SAV1: variants seen among roughly 807,000 people sequenced by gnomAD.
SAV1 encodes protein salvador homolog 1.
A neutral mutation model predicts 47.3 loss-of-function variants in SAV1; 23 were observed. That is an observed-to-expected ratio of 0.49 (90% CI 0.35 to 0.69). The LOEUF is 0.69. Ranked by LOEUF, SAV1 falls within the 30% of genes least tolerant of loss-of-function variation. The pLI is 0.01. For missense variants in SAV1, 448 were observed against 457.4 expected, an observed-to-expected ratio of 0.98 and a Z score of 0.19; for synonymous variants, 155 against 159.2, an observed-to-expected ratio of 0.97 and a Z score of 0.20.
At position 50,655,359 on chromosome 14, in the gene SAV1, A is replaced by G. The variant is rs376630506; in HGVS notation, c.535+9820T>C. 2.9e-4 allele frequency among the ~76,000 whole-genome samples: 44 copies of G among 152,308 alleles called. No homozygotes were observed. In the East Asian group the frequency reaches 2.9e-3, roughly 10 times the overall value. On this transcript the variant is annotated intron_variant, in intron 2 of 4. Transcript: ENST00000324679. ...TAAAAGCCATAATATTTTGGCTAAC[A>G]GAGCTTCCCTCAGGAAATATATAAT...
chr14:50,651,737 C>T (rs1281520287), intron 2 of SAV1, among the ~76,000 whole-genome samples: 1 of 152,190 alleles, frequency 6.6e-6, no homozygotes, highest in Non-Finnish European at 1.5e-5. Flanking sequence ...AGCAATCCTC[C>T]CACCTCAGCC....
chr14:50,644,284 T>C (rs1250041915), intron 3 of SAV1, among the ~76,000 whole-genome samples: 1 of 152,210 alleles, frequency 6.6e-6, no homozygotes. Context: ...TTTTGTTCAG[T>C]CCCAATTTTC....
chr14:50,667,497 G>T (rs1362111949), intron 1 of SAV1: 18 of 461,228 alleles, frequency 3.9e-5, no homozygotes, highest in Middle Eastern at 6.4e-4. Context: ...ACATCTCGAC[G>T]CATCTAAAAG....
intron 1 of SAV1, among the ~76,000 whole-genome samples, chr14:50,667,228 G>C (rs977877783): frequency 4.6e-5 from 7 of 152,030 alleles, no homozygotes; most frequent in Admixed American, 1.3e-4. Context: ...CTTTTCGAGG[G>C]GGGGGTTCTC....
At chr14:50,639,603 C>T (rs1294850975) in intron 4 of SAV1, among the ~76,000 whole-genome samples, 1 of 152,144 alleles carries the variant, frequency 6.6e-6, no homozygotes, top group Non-Finnish European at 1.5e-5. Flanking sequence ...ATAGTTAGCT[C>T]ACAGAACCAC....
At chr14:50,650,341 T>C (rs6572681) in intron 2 of SAV1, among the ~76,000 whole-genome samples, 40,687 of 152,092 alleles carry the variant, frequency 0.27, 6,310 homozygotes, top group South Asian at 0.36. Flanking sequence ...GCTGTAAACA[T>C]GAATGAAGAT....
At chr14:50,641,516 G>A (rs910965480) in intron 3 of SAV1, among the ~76,000 whole-genome samples, 2 of 152,080 alleles carry the variant, frequency 1.3e-5, no homozygotes, top group South Asian at 2.1e-4. Context: ...AACTCGAAGC[G>A]GCCAAAAGGG....
rs751408237 is a variant in SAV1 at position 50,665,568 on chromosome 14, T to C, written c.146A>G (p.Asp49Gly). The C allele has an allele frequency of 5.0e-6, 8 of 1,613,706 alleles. No individual in the cohort carries two copies. The highest frequency in any genetic ancestry group is 1.7e-4 in the Middle Eastern group (1 of 6,060). ...AGGGCTTGAATCTGGAAGACAGATATCAGTTCGTCTTGGAATTGTTGGACC... is the reference window on the plus strand; with the variant it reads ...AGGGCTTGAATCTGGAAGACAGATACCAGTTCGTCTTGGAATTGTTGGACC... Reference protein sequence around the residue: ...RHGPTIPRRTDICLPDSSPNA... With the variant: ...RHGPTIPRRTGICLPDSSPNA... The change falls in exon 2 of 5, where the codon GAT becomes GGT. Residue 49 changes from aspartate to glycine, a missense_variant. Asp to Gly is a moderately conservative substitution (Grantham distance 94). Transcript: ENST00000324679.
At chr14:50,656,439 T>C (rs2140260234) in intron 2 of SAV1, among the ~76,000 whole-genome samples, 1 of 121,024 alleles carries the variant, frequency 8.3e-6, no homozygotes, top group Middle Eastern at 4.2e-3. Flanking sequence ...ACCCCAACTG[T>C]ATTTTTTTTT....
At chr14:50,657,888 C>A (rs1595649391) in intron 2 of SAV1, among the ~76,000 whole-genome samples, 2 of 152,136 alleles carry the variant, frequency 1.3e-5, no homozygotes, top group Admixed American at 6.5e-5. Context: ...TAATCTCATA[C>A]AACCAGGCAG....
intron 2 of SAV1, among the ~76,000 whole-genome samples, chr14:50,647,626 A>C (rs1380322058): frequency 6.6e-6 from 1 of 152,230 alleles, no homozygotes; most frequent in Non-Finnish European, 1.5e-5. Flanking sequence ...GGGGGTAAGA[A>C]TTTTTAACAG....
chr14:50,663,779 A>G (rs2039879053), intron 2 of SAV1, among the ~76,000 whole-genome samples: 1 of 152,222 alleles, frequency 6.6e-6, no homozygotes, highest in African/African-American at 2.4e-5. Context: ...TAATCTTTAA[A>G]CACTGCTTTC....
At position 50,640,827 on chromosome 14, in the gene SAV1, G is replaced by A. The variant is rs1354224421; in HGVS notation, c.873C>T (p.Ser291=). The A allele has an allele frequency of 6.2e-7, 1 of 1,613,742 alleles. No homozygotes were observed. ...YQPQQTERNQ[S]LLVPANPYHT... is the part of the protein sequence containing the mutation. Reference sequence around the variant, plus strand: ...GATATGGATTTGCAGGTACCAGAAGGGACTGATTTCTTTCAGTTTGCTGTG... The same window carrying A: ...GATATGGATTTGCAGGTACCAGAAGAGACTGATTTCTTTCAGTTTGCTGTG... The change falls in exon 4 of 5, where the codon TCC becomes TCT. Residue 291 remains serine (S), a synonymous_variant. Coordinates refer to ENST00000324679, the MANE Select transcript of SAV1 (RefSeq NM_021818.4).
intron 1 of SAV1, among the ~76,000 whole-genome samples, chr14:50,666,658 G>A (rs775986056): frequency 4.6e-5 from 7 of 151,976 alleles, no homozygotes; most frequent in Non-Finnish European, 8.8e-5. Flanking sequence ...ATAATAAAAA[G>A]TGTGACAAAC....
chr14:50,635,189 A>T lies in SAV1; in HGVS notation c.1146T>A (p.Asn382Lys). 3.1e-6 allele frequency: 5 copies of T among 1,610,498 alleles called. No homozygotes were observed. Among genetic ancestry groups the T allele is most frequent in the Non-Finnish European group, 4.2e-6 (5 of 1,179,128 alleles). The change falls in exon 5 of 5, where the codon AAT becomes AAA. Residue 382 changes from asparagine to lysine, a missense_variant. Coordinates refer to ENST00000324679, the MANE Select transcript of SAV1 (RefSeq NM_021818.4). ...QQWYAQQHGK[N>K]F ...AAATTTTTAAAAAATCAGCTCAAAA[A>T]TTTTTTCCATGTTGTTGGGCATACC...
In SAV1 at chr14:50,644,741, T is replaced by C. The variant is rs1277348889; in HGVS notation, c.806+3A>G. ...AAAGTTGAAAATAAAGTTGATACTG[T>C]ACCTAGGAGCACAGGGATGCCTGTA... On this transcript the variant is annotated splice_donor_region_variant and intron_variant, in intron 3 of 4. Coordinates refer to ENST00000324679, the MANE Select transcript of SAV1 (RefSeq NM_021818.4). 6.2e-7 allele frequency: 1 copy of C among 1,612,736 alleles called. No homozygotes were observed. Among genetic ancestry groups the C allele is most frequent in the Non-Finnish European group, 8.5e-7 (1 of 1,179,018 alleles).
At chr14:50,638,580 C>G (rs1011378838) in intron 4 of SAV1, among the ~76,000 whole-genome samples, 1 of 152,096 alleles carries the variant, frequency 6.6e-6, no homozygotes, top group African/African-American at 2.4e-5. Flanking sequence ...ACTGTGTCCA[C>G]TCCTCCCTCT....
intron 2 of SAV1, among the ~76,000 whole-genome samples, chr14:50,652,863 T>G (rs1308979355): frequency 1.3e-5 from 2 of 152,112 alleles, no homozygotes; most frequent in African/African-American, 4.8e-5. Flanking sequence ...AAACTCCATC[T>G]CTACTGAATA....
In SAV1 at chr14:50,634,656, C is replaced by G. The variant is rs2039617927; in HGVS notation, c.*527G>C. 6.4e-6 allele frequency: 1 copy of G among 157,336 alleles called. No individual in the cohort carries two copies. Among genetic ancestry groups the G allele is most frequent in the Non-Finnish European group, 1.4e-5 (1 of 71,802 alleles). 9.7% of individuals were successfully genotyped at this position (157,336 alleles called of 1,614,324 possible). On this transcript the variant is annotated 3_prime_UTR_variant, in exon 5 of 5. Transcript: ENST00000324679. ...GTGAGCCACCACGCCCAGCTGGGTT[C>G]CTTACTTTGGAGAGGGGAGACAAAC...
Sources: allele counts gnomAD v4.1 joint callset (sites outside exome capture counted in the v4.1 genomes callset), GRCh38; gene constraint gnomAD v4.1.1; transcripts MANE v1.5; gene names NCBI Gene and HGNC (gene_info 2026-07-23, HGNC 2026-07-21).